The following DCLK3 variants were observed in gnomAD, a reference collection of about 807,000 sequenced individuals.
The protein encoded by DCLK3 is serine/threonine-protein kinase DCLK3.
Under a neutral mutation model 46.4 loss-of-function variants are expected in DCLK3, and 30 were observed. The observed-to-expected ratio is 0.65, with a 90% confidence interval of 0.48 to 0.88. DCLK3 has a LOEUF of 0.88. DCLK3 is among the 40% of genes least tolerant of loss of function. The probability of loss-of-function intolerance (pLI) is 0.00; values close to 1 mark genes in which losing one functional copy is unlikely to be tolerated. For synonymous variants in DCLK3, 401 were observed against 339.2 expected (o/e 1.18, Z -2.00); for missense variants, 846 against 907.1 (o/e 0.93, Z 0.87).
intron 2 of DCLK3, among the ~76,000 whole-genome samples, chr3:36,732,843 A>G (rs2125527740): frequency 6.6e-6 from 1 of 152,368 alleles, no homozygotes; most frequent in Non-Finnish European, 1.5e-5. Context: ...AGAATTATGC[A>G]TTGCAGAACC....
chr3:36,745,877 T>C lies in DCLK3; in HGVS notation c.83-6793A>G, dbSNP rs1341616466. Among the ~76,000 whole-genome samples, 3 of 152,202 alleles carry C rather than the reference T, an allele frequency of 2.0e-5. No individual in the cohort carries two copies. The East Asian group carries it at 5.8e-4, about 29-fold the overall frequency. On this transcript the variant is annotated intron_variant, in intron 1 of 4. Coordinates refer to ENST00000636136, the MANE Select transcript of DCLK3 (RefSeq NM_001394672.2). ...GAAGGTTTTGTAAACGAATAAAAAA[T>C]TGGAATGAAGCCTCTCTCACTAAGC... is the stretch of plus-strand genomic sequence containing the variant.
chr3:36,727,158 G>A (rs543383225), intron 2 of DCLK3, among the ~76,000 whole-genome samples: 6 of 152,130 alleles, frequency 3.9e-5, no homozygotes, highest in Admixed American at 1.3e-4. Context: ...GCATGGTGGC[G>A]GGCCCCTGTA....
rs1181071694 is a variant in DCLK3 at position 36,738,924 on chromosome 3, G to C, written c.243C>G (p.Gly81=). The C allele has an allele frequency of 2.4e-6, 1 of 412,576 alleles. No homozygotes were observed. Among genetic ancestry groups the C allele is most frequent in the African/African-American group, 2.0e-5 (1 of 48,896 alleles). 25.6% of individuals were successfully genotyped at this position (412,576 alleles called of 1,614,324 possible). A position where few individuals can be genotyped will look rare whatever the true frequency, so the allele number is the denominator to read the frequency against. Residue 81 remains glycine (G), a synonymous_variant, in exon 2 of 5, where the codon GGC becomes GGG. Transcript: ENST00000636136. ...TGTTCTCAGGATGTGCTGAGTGAAGGCCATTCCGAGGGCAGAACAAGGGCA... is the reference window on the plus strand; with the variant it reads ...TGTTCTCAGGATGTGCTGAGTGAAGCCCATTCCGAGGGCAGAACAAGGGCA... The part of the protein sequence containing the change: ...PVVPLFCPRN[G]LHSAHPENSP...
chr3:36,737,081 G>T lies in DCLK3; in HGVS notation c.1959+127C>A. 1 of 1,263,944 alleles carries T rather than the reference G, an allele frequency of 7.9e-7. No individual in the cohort carries two copies. Among genetic ancestry groups the T allele is most frequent in the Non-Finnish European group, 1.1e-6 (1 of 931,682 alleles). 78.3% of individuals were successfully genotyped at this position (1,263,944 alleles called of 1,614,324 possible). ...ACCATAGTTTTAAATACTGGAACAA[G>T]TATGTTATAATAACATAAAAGTAAA... On this transcript the variant is annotated intron_variant, in intron 2 of 4. Coordinates refer to ENST00000636136, the MANE Select transcript of DCLK3 (RefSeq NM_001394672.2). The surrounding 1 kb of genome is among the most constrained non-coding windows in gnomAD (Gnocchi z 4.4).
intron 1 of DCLK3, among the ~76,000 whole-genome samples, chr3:36,753,896 C>G (rs1174077925): frequency 6.6e-6 from 1 of 152,106 alleles, no homozygotes; most frequent in East Asian, 1.9e-4. Flanking sequence ...CCAGGGTGGT[C>G]TCAAGCTCCT....
chr3:36,751,464 A>G (rs550358224), intron 1 of DCLK3, among the ~76,000 whole-genome samples: 177 of 152,384 alleles, frequency 1.2e-3, no homozygotes, highest in African/African-American at 4.0e-3. Context: ...CCAGATTGAC[A>G]GTGGTGGCAC....
rs1272082708 is a variant in DCLK3 at position 36,737,482 on chromosome 3, T to C, written c.1685A>G (p.Lys562Arg). Residue 562 changes from lysine to arginine, a missense_variant, in exon 2 of 5, where the codon AAG becomes AGG. By Grantham distance (26) the Lys-to-Arg change is conservative (BLOSUM62 2). Coordinates refer to ENST00000636136, the MANE Select transcript of DCLK3 (RefSeq NM_001394672.2). This position sits in a 1 kb window ranked among gnomAD's most constrained non-coding sequence, Gnocchi z 4.4. Reference sequence around the variant, plus strand: ...ACTGTCCACCATGTCCTCCTTGCCCTTGAGTCTGGACTTGTCAATGATCTT... The same window carrying C: ...ACTGTCCACCATGTCCTCCTTGCCCCTGAGTCTGGACTTGTCAATGATCTT... ...AMKIIDKSRL[K>R]GKEDMVDSEI... The C allele has an allele frequency of 3.7e-6, 6 of 1,614,218 alleles. No individual in the cohort carries two copies. The highest frequency in any genetic ancestry group is 3.3e-5 in the Admixed American group (2 of 60,022).
intron 3 of DCLK3, among the ~76,000 whole-genome samples, chr3:36,719,021 G>T (rs192579073): frequency 6.6e-6 from 1 of 151,990 alleles, no homozygotes. Context: ...TTACAAAAAT[G>T]ATTTCTAATA....
intron 1 of DCLK3, among the ~76,000 whole-genome samples, chr3:36,746,339 T>C (rs1701393015): frequency 6.6e-6 from 1 of 152,218 alleles, no homozygotes; most frequent in Non-Finnish European, 1.5e-5. Flanking sequence ...AAAGATGGGA[T>C]TGACTGCTCC....
chr3:36,733,333 A>T (rs1160551566), intron 2 of DCLK3, among the ~76,000 whole-genome samples: 2 of 152,188 alleles, frequency 1.3e-5, no homozygotes, highest in Non-Finnish European at 2.9e-5. Context: ...CTCTGTTTCC[A>T]GTGCAGGAAC....
rs562070550 is a variant in DCLK3, at chr3:36,748,727, C to T, written c.83-9643G>A. On this transcript the variant is annotated intron_variant, in intron 1 of 4. Transcript: ENST00000636136. ...CAGCGACCATAACACTAACCTTTCT[C>T]TCTAACCACCTGACCACTTTTCCTC... Among the ~76,000 whole-genome samples the T allele has an allele frequency of 5.3e-5, 8 of 152,286 alleles. No individual in the cohort carries two copies. In the South Asian group the frequency reaches 1.7e-3, roughly 32 times the overall value.
intron 4 of DCLK3, 77 bp from the exon 5 acceptor site, chr3:36,715,598 A>G: frequency 6.8e-7 from 1 of 1,465,466 alleles, no homozygotes; most frequent in South Asian, 1.4e-5. Context: ...ATGAAATAAG[A>G]ACATAAACAT....
chr3:36,749,888 T>A (rs1450853387), intron 1 of DCLK3, among the ~76,000 whole-genome samples: 1 of 152,176 alleles, frequency 6.6e-6, no homozygotes, highest in African/African-American at 2.4e-5. Flanking sequence ...GATGATACAG[T>A]TGCAAAACAC....
chr3:36,727,334 T>C (rs944097367), intron 2 of DCLK3, among the ~76,000 whole-genome samples: 2 of 152,190 alleles, frequency 1.3e-5, no homozygotes, highest in Non-Finnish European at 2.9e-5. Context: ...GCTGACTTAG[T>C]ATACCAAAGT....
In DCLK3 at chr3:36,712,878, C is replaced by T. The variant is rs889297129; in HGVS notation, c.*2450G>A. On this transcript the variant is annotated 3_prime_UTR_variant, in exon 5 of 5. Transcript: ENST00000636136. ...AGATGTTTCCACTTTGGGGCTACTA[C>T]AAATAAAGCACCTATAAATATTGTG... The T allele has an allele frequency of 1.3e-5, 2 of 152,176 alleles. No homozygotes were observed. The highest frequency in any genetic ancestry group is 2.9e-5 in the Non-Finnish European group (2 of 68,030). 9.4% of individuals were successfully genotyped at this position (152,176 alleles called of 1,614,324 possible).
At chr3:36,734,014 T>C (rs1046195517) in intron 2 of DCLK3, among the ~76,000 whole-genome samples, 3 of 152,124 alleles carry the variant, frequency 2.0e-5, no homozygotes, top group African/African-American at 7.2e-5. Context: ...ACAGCAGCCA[T>C]CCATTAAAGG....
intron 2 of DCLK3, among the ~76,000 whole-genome samples, chr3:36,726,513 C>A (rs1206161946): frequency 6.6e-6 from 1 of 152,126 alleles, no homozygotes; most frequent in Admixed American, 6.5e-5. Context: ...GACAGGTGGG[C>A]AGTAGAGGAA....
chr3:36,727,133 A>G (rs1472518229), intron 2 of DCLK3, among the ~76,000 whole-genome samples: 1 of 151,810 alleles, frequency 6.6e-6, no homozygotes, highest in Non-Finnish European at 1.5e-5. Context: ...AAATACAACA[A>G]AAAAAAACAG....
At chr3:36,756,107 T>C (rs1393237422) in intron 1 of DCLK3, among the ~76,000 whole-genome samples, 2 of 152,190 alleles carry the variant, frequency 1.3e-5, no homozygotes, top group African/African-American at 4.8e-5. Flanking sequence ...GGAGGTGATC[T>C]CAGACAGCAC....
Sources: allele counts gnomAD v4.1 joint callset (sites outside exome capture counted in the v4.1 genomes callset), GRCh38; gene constraint gnomAD v4.1.1; non-coding constraint Gnocchi (gnomAD v3.1); transcripts MANE v1.5; gene names NCBI Gene and HGNC (gene_info 2026-07-23, HGNC 2026-07-21).